The following VWDE variants were observed in gnomAD, a reference collection of about 807,000 sequenced individuals.
VWDE encodes von Willebrand factor D and EGF domains.
Under a neutral mutation model 178.4 loss-of-function variants are expected in VWDE, and 207 were observed. The ratio of observed to expected loss-of-function variants is 1.16; its 90% CI spans 1.04 to 1.30. The LOEUF is 1.30. VWDE is among the 50% of genes most tolerant of loss of function. VWDE has a pLI of 0.00. For synonymous variants in VWDE, 738 were observed against 651.4 expected, an observed-to-expected ratio of 1.13 and a Z score of -2.02; for missense variants, 2,287 against 1,901.3, an observed-to-expected ratio of 1.20 and a Z score of -3.77.
rs562622032 is a variant in VWDE at position 12,398,166 on chromosome 7, C to A, written c.59-4388G>T. ...AAGACATGGAATCAGCCATGGTGCC[C>A]ATCAACAGTAGATTGGATAAAGAAA... On this transcript the variant is annotated intron_variant, in intron 1 of 28. Transcript: ENST00000275358. 1.6e-4 allele frequency among the ~76,000 whole-genome samples: 24 copies of A among 152,262 alleles called. 1 individual carries two copies. The highest frequency in any genetic ancestry group is 8.5e-4 in the Admixed American group (13 of 15,284).
intron 3 of VWDE, among the ~76,000 whole-genome samples, chr7:12,388,440 C>T (rs1214721383): frequency 6.6e-6 from 1 of 151,990 alleles, no homozygotes; most frequent in African/African-American, 2.4e-5. Context: ...TCAAATGCAG[C>T]CAACAACCAA....
chr7:12,383,673 A>G, intron 3 of VWDE, 72 bp from the exon 4 acceptor site: 1 of 1,245,950 alleles, frequency 8.0e-7, no homozygotes, highest in Non-Finnish European at 1.1e-6. Context: ...ATCCAAGATG[A>G]CAATTTATTG....
rs201420590 is a variant in VWDE at position 12,380,785 on chromosome 7, G to C, written c.542-52C>G. ...CTGGGAATCTTAGACAATGGAGACT[G>C]GCTTATGGAAAAAGCACTCAAAGAC... On this transcript the variant is annotated intron_variant, in intron 4 of 28. Coordinates refer to ENST00000275358, the MANE Select transcript of VWDE (RefSeq NM_001135924.3). The C allele has an allele frequency of 2.2e-4, 336 of 1,532,342 alleles. 1 individual carries two copies. Among genetic ancestry groups the C allele is most frequent in the Admixed American group, 2.3e-4 (11 of 47,856 alleles). The allele number at this position is 1,532,342 out of a possible 1,614,324, so 94.9% of individuals were successfully genotyped here. A position where few individuals can be genotyped will look rare whatever the true frequency, so the allele number is the denominator to read the frequency against.
chr7:12,393,536 T>C (rs924856906), intron 2 of VWDE, 58 bp downstream of exon 2: 7 of 1,362,776 alleles, frequency 5.1e-6, no homozygotes, highest in Non-Finnish European at 5.9e-6. Flanking sequence ...AAAGATACAA[T>C]TCTCATATGA....
chr7:12,380,957 A>G (rs1008654161), intron 4 of VWDE, among the ~76,000 whole-genome samples: 2 of 152,234 alleles, frequency 1.3e-5, no homozygotes, highest in East Asian at 3.8e-4. Flanking sequence ...TCAAGCTTAT[A>G]TTAATGCAGG....
chr7:12,344,436 T>A lies in VWDE; in HGVS notation c.3920A>T (p.Glu1307Val), dbSNP rs1425197426. 6.4e-7 allele frequency: 1 copy of A among 1,550,500 alleles called. No homozygotes were observed. The highest frequency in any genetic ancestry group is 2.0e-5 in the Admixed American group (1 of 50,878). Reference protein sequence around the residue: ...ICKYPCGKSRECVAPNICKCK... With the variant: ...ICKYPCGKSRVCVAPNICKCK... The stretch of plus-strand genomic sequence containing the variant: ...TTTGCAGATGTTTGGGGCAACACAC[T>A]CCCTACTTTTTCCACATGGATATTT... The change falls in exon 20 of 29, where the codon GAG (glutamate) becomes GTG (valine). Residue 1307 changes from glutamate (E) to valine (V), a missense_variant. Glu to Val is a moderately radical substitution (Grantham distance 121). Transcript: ENST00000275358.
chr7:12,351,506 T>C lies in VWDE; in HGVS notation c.3886+67A>G. 21 of 1,444,484 alleles carry C rather than the reference T, an allele frequency of 1.5e-5. No individual in the cohort carries two copies. In the South Asian group the frequency reaches 3.1e-4, roughly 21 times the overall value. The allele number at this position is 1,444,484 out of a possible 1,614,324, so 89.5% of individuals were successfully genotyped here. ...TAAAAATACCTGAGGAATAAATATGTTGGTCTTCTAGAAAACAAGTAAGAG... is the reference window on the plus strand; with the variant it reads ...TAAAAATACCTGAGGAATAAATATGCTGGTCTTCTAGAAAACAAGTAAGAG... On this transcript the variant is annotated intron_variant, in intron 19 of 28. Transcript: ENST00000275358.
At position 12,403,774 on chromosome 7, in the gene VWDE, A is replaced by T; in HGVS notation, c.-58T>A. On this transcript the variant is annotated 5_prime_UTR_variant, in exon 1 of 29. Transcript: ENST00000275358. Reference sequence around the variant, plus strand: ...CAGAGCCCGGGCCGCGGGTGCCAGGAGGATGGGGCCACAGCAGCCCCTCGG... The same window carrying T: ...CAGAGCCCGGGCCGCGGGTGCCAGGTGGATGGGGCCACAGCAGCCCCTCGG... 6.5e-7 allele frequency: 1 copy of T among 1,530,462 alleles called. No individual in the cohort carries two copies. The highest frequency in any genetic ancestry group is 8.9e-7 in the Non-Finnish European group (1 of 1,129,420). The allele number at this position is 1,530,462 out of a possible 1,614,324, so 94.8% of individuals were successfully genotyped here. A position where few individuals can be genotyped will look rare whatever the true frequency, so the allele number is the denominator to read the frequency against.
rs929350118 is a variant in VWDE, at chr7:12,403,653, G to C, written c.58+6C>G. ...CGCCCACCCCCGCGCGCCCTACCTCGCTTACCTTCCCCCCAGGCCAGGAAC... is the reference window on the plus strand; with the variant it reads ...CGCCCACCCCCGCGCGCCCTACCTCCCTTACCTTCCCCCCAGGCCAGGAAC... On this transcript the variant is annotated splice_donor_region_variant and intron_variant, in intron 1 of 28. Transcript: ENST00000275358. 5.2e-6 allele frequency: 8 copies of C among 1,541,798 alleles called. No individual in the cohort carries two copies. Among genetic ancestry groups the C allele is most frequent in the African/African-American group, 4.1e-5 (3 of 72,994 alleles).
At chr7:12,382,185 T>C (rs1015502198) in intron 4 of VWDE, among the ~76,000 whole-genome samples, 1 of 151,802 alleles carries the variant, frequency 6.6e-6, no homozygotes, top group African/African-American at 2.4e-5. Context: ...ATAGCAGAGT[T>C]TTTTTTAATT....
At chr7:12,399,914 TAACAATG>T (rs1299861194) in intron 1 of VWDE, among the ~76,000 whole-genome samples, 1 of 152,060 alleles carries the variant, frequency 6.6e-6, no homozygotes, top group African/African-American at 2.4e-5. Flanking sequence ...TAGAACTCAA[TAACAATG>T]AAATTTAAAA....
Position 12,403,693 on chromosome 7 carries a change from C to G in VWDE, c.24G>C (p.Leu8=). MPGGACV[L]VIALMFLAWG... is the part of the protein sequence containing the mutation. Reference sequence around the variant, plus strand: ...AGGCCAGGAACATCAGCGCGATCACCAGCACGCAGGCTCCGCCAGGCATCG... The same window carrying G: ...AGGCCAGGAACATCAGCGCGATCACGAGCACGCAGGCTCCGCCAGGCATCG... The change falls in exon 1 of 29, where the codon CTG becomes CTC. Residue 8 remains leucine, a synonymous_variant. Coordinates refer to ENST00000275358, the MANE Select transcript of VWDE (RefSeq NM_001135924.3). The G allele has an allele frequency of 6.5e-7, 1 of 1,549,194 alleles. No individual in the cohort carries two copies. The highest frequency in any genetic ancestry group is 8.7e-7 in the Non-Finnish European group (1 of 1,146,562).
At chr7:12,372,467 G>A (rs1249117027) in intron 10 of VWDE, among the ~76,000 whole-genome samples, 1 of 151,894 alleles carries the variant, frequency 6.6e-6, no homozygotes, top group Non-Finnish European at 1.5e-5. Flanking sequence ...GCTATGACCT[G>A]AAAATACAAA....
intron 3 of VWDE, among the ~76,000 whole-genome samples, chr7:12,384,180 T>A (rs962592706): frequency 6.6e-6 from 1 of 152,114 alleles, no homozygotes; most frequent in Non-Finnish European, 1.5e-5. Context: ...TTAAAAAGAA[T>A]TGAGCTATCA....
Position 12,393,606 on chromosome 7 carries a change from G to T in VWDE, c.231C>A (p.Thr77=), listed in dbSNP as rs769903744. 1.4e-5 allele frequency: 22 copies of T among 1,548,134 alleles called. No homozygotes were observed. The highest frequency in any genetic ancestry group is 1.7e-5 in the Non-Finnish European group (20 of 1,145,292). The stretch of plus-strand genomic sequence containing the variant: ...GGAGTTGACATACCTCAACACATTT[G>T]GTTGGCATCTCGGCAGGTCTGTCAA... ...LILDRPAEMP[T]KCVEMNHCGT... The change falls in exon 2 of 29, where the codon ACC becomes ACA. Residue 77 remains threonine (T), a synonymous_variant. Coordinates refer to ENST00000275358, the MANE Select transcript of VWDE (RefSeq NM_001135924.3).
At chr7:12,383,273 T>G (rs1562510049) in intron 4 of VWDE, among the ~76,000 whole-genome samples, 1 of 152,140 alleles carries the variant, frequency 6.6e-6, no homozygotes, top group East Asian at 1.9e-4. Flanking sequence ...CATGGAGTTT[T>G]AAGAATGTTG....
chr7:12,340,704 G>A (rs1781281364), intron 23 of VWDE, among the ~76,000 whole-genome samples: 1 of 152,174 alleles, frequency 6.6e-6, no homozygotes, highest in African/African-American at 2.4e-5. Context: ...CGGTGCTCCT[G>A]CTCTATCAAG....
Position 12,379,524 on chromosome 7 carries a change from C to A in VWDE, c.832G>T (p.Val278Leu). 6.4e-7 allele frequency: 1 copy of A among 1,550,510 alleles called. No individual in the cohort carries two copies. Among genetic ancestry groups the A allele is most frequent in the South Asian group, 1.2e-5 (1 of 83,912 alleles). ...ASVFFLENPH[V>L]QSVAIESQEF... ...TGGCTTTCGATGGCTACACTTTGTACATGAGGATTCTCCAAGAAAAAGACA... is the reference window on the plus strand; with the variant it reads ...TGGCTTTCGATGGCTACACTTTGTAAATGAGGATTCTCCAAGAAAAAGACA... Residue 278 changes from valine to leucine, a missense_variant, in exon 6 of 29, where the codon GTA becomes TTA. By Grantham distance (32) the Val-to-Leu change is conservative. Transcript: ENST00000275358.
chr7:12,393,709 C>A lies in VWDE; in HGVS notation c.128G>T (p.Trp43Leu). The A allele has an allele frequency of 1.3e-6, 2 of 1,551,154 alleles. No individual in the cohort carries two copies. The highest frequency in any genetic ancestry group is 2.4e-5 in the South Asian group (2 of 84,036). Residue 43 changes from tryptophan (W) to leucine (L), a missense_variant, in exon 2 of 29, where the codon TGG (tryptophan) becomes TTG (leucine). Trp to Leu is a moderately conservative substitution (Grantham distance 61). Coordinates refer to ENST00000275358, the MANE Select transcript of VWDE (RefSeq NM_001135924.3). ...TTGAACAGCTGACTGCTGGAGGTGC[C>A]ATGAGTCAAAACGGACACTTCTATA... ...SPYRSVRFDS[W>L]HLQQSAVQDL... is the part of the protein sequence containing the mutation.
Sources: allele counts gnomAD v4.1 joint callset (sites outside exome capture counted in the v4.1 genomes callset), GRCh38; gene constraint gnomAD v4.1.1; transcripts MANE v1.5; gene names NCBI Gene and HGNC (gene_info 2026-07-23, HGNC 2026-07-21).